Variants in GREB1L observed in about 807,000 individuals in gnomAD.
GREB1L encodes the protein GREB1 like retinoic acid receptor coactivator.
Under a neutral mutation model 200.8 loss-of-function variants are expected in GREB1L, and 17 were observed. The ratio of observed to expected loss-of-function variants is 0.08; its 90% CI spans 0.06 to 0.13. The LOEUF (loss-of-function observed/expected upper bound fraction) is 0.13, where lower values mean the gene tolerates loss of function less well. Among genes scored for constraint, GREB1L ranks in the 10% least tolerant of loss-of-function variants. GREB1L has a pLI of 1.00. For missense variants in GREB1L, 1,657 were observed against 2,367.7 expected (o/e 0.70, Z 6.23); for synonymous variants, 789 against 893.0 (o/e 0.88, Z 2.08).
intron 12 of GREB1L, 21 bp from the exon 13 acceptor site, chr18:21,451,002 C>T (rs2034495037): frequency 6.4e-7 from 1 of 1,550,452 alleles, no homozygotes; most frequent in Non-Finnish European, 8.7e-7. Context: ...TGAGTCTTCT[C>T]TTCTCTCCTC....
At chr18:21,328,675 C>CGTGCATAT (rs957340869) in intron 1 of GREB1L, among the ~76,000 whole-genome samples, 12 of 150,870 alleles carry the variant, frequency 8.0e-5, no homozygotes, top group Admixed American at 2.7e-4. Context: ...TGTGTGTGTA[C>CGTGCATAT]GTGCATATGT....
At chr18:21,314,257 A>G (rs2038834625) in intron 1 of GREB1L, among the ~76,000 whole-genome samples, 1 of 152,132 alleles carries the variant, frequency 6.6e-6, no homozygotes, top group Non-Finnish European at 1.5e-5. Context: ...CTTGCTCCTT[A>G]CACATCCCAT....
chr18:21,281,891 TA>T, intron 1 of GREB1L, among the ~76,000 whole-genome samples: 1 of 152,270 alleles, frequency 6.6e-6, no homozygotes, highest in Non-Finnish European at 1.5e-5. Flanking sequence ...TATAACTGGA[TA>T]AAGTTGTTTT....
chr18:21,397,542 A>G (rs1419542555), intron 5 of GREB1L, among the ~76,000 whole-genome samples: 61 of 86,798 alleles, frequency 7.0e-4, no homozygotes, highest in African/African-American at 4.9e-3. Context: ...AAAAAAAAAA[A>G]ATAATAATAA....
At chr18:21,270,269 C>T (rs868468199) in intron 1 of GREB1L, among the ~76,000 whole-genome samples, 1 of 152,170 alleles carries the variant, frequency 6.6e-6, no homozygotes, top group Non-Finnish European at 1.5e-5. Context: ...TAGTGTTTCA[C>T]AGGCAGAGAT....
intron 27 of GREB1L, among the ~76,000 whole-genome samples, chr18:21,509,431 C>T (rs893611730): frequency 6.6e-6 from 1 of 152,124 alleles, no homozygotes; most frequent in Admixed American, 6.5e-5. Flanking sequence ...TTTTCTTGAA[C>T]CCACGTGTTT....
intron 1 of GREB1L, among the ~76,000 whole-genome samples, chr18:21,356,567 C>T (rs866577865): frequency 3.0e-4 from 46 of 152,124 alleles, no homozygotes; most frequent in African/African-American, 1.1e-3. Flanking sequence ...CTTGTACATA[C>T]ATCTGTTGAT....
chr18:21,474,904 C>T (rs1403378068), intron 16 of GREB1L, among the ~76,000 whole-genome samples: 1 of 152,132 alleles, frequency 6.6e-6, no homozygotes, highest in Non-Finnish European at 1.5e-5. Flanking sequence ...TCTCATGAGA[C>T]TTTCTTTATC....
intron 23 of GREB1L, among the ~76,000 whole-genome samples, chr18:21,502,250 C>CAA (rs1156864566): frequency 5.2e-5 from 5 of 95,350 alleles, no homozygotes; most frequent in African/African-American, 1.6e-4. Context: ...GACTCTGTCT[C>CAA]AAAAAAAAAA....
chr18:21,501,074 AAAAAAAAAAG>A (rs1158483457), intron 23 of GREB1L, among the ~76,000 whole-genome samples: 1 of 151,256 alleles, frequency 6.6e-6, no homozygotes, highest in Non-Finnish European at 1.5e-5. Context: ...CTCAAAAAAA[AAAAAAAAAAG>A]AAAGAAAGAA....
At chr18:21,287,440 C>T (rs548558166) in intron 1 of GREB1L, among the ~76,000 whole-genome samples, 1 of 152,282 alleles carries the variant, frequency 6.6e-6, no homozygotes, top group Admixed American at 6.5e-5. Flanking sequence ...TTTTATCAAG[C>T]ATTCATAGCC....
intron 1 of GREB1L, among the ~76,000 whole-genome samples, chr18:21,355,050 C>T (rs1004458203): frequency 6.6e-6 from 1 of 152,140 alleles, no homozygotes; most frequent in African/African-American, 2.4e-5. Context: ...TCAGTTCCAA[C>T]CCATGAAGGT....
intron 6 of GREB1L, among the ~76,000 whole-genome samples, chr18:21,402,250 G>C (rs2041345826): frequency 6.6e-6 from 1 of 151,908 alleles, no homozygotes; most frequent in African/African-American, 2.4e-5. Context: ...TGAATCCTAA[G>C]AAAAGGATAA....
chr18:21,441,871 C>T (rs1487436305), intron 10 of GREB1L, among the ~76,000 whole-genome samples: 1 of 152,134 alleles, frequency 6.6e-6, no homozygotes, highest in Admixed American at 6.5e-5. Context: ...CAGGAGCAAC[C>T]AGAACTCAGA....
At position 21,477,311 on chromosome 18, in the gene GREB1L, C is replaced by G; in HGVS notation, c.2511C>G (p.Arg837=). The G allele has an allele frequency of 6.4e-7, 1 of 1,551,558 alleles. No homozygotes were observed. The highest frequency in any genetic ancestry group is 1.4e-5 in the African/African-American group (1 of 73,156). Residue 837 remains arginine, a synonymous_variant, in exon 17 of 33, where the codon CGC becomes CGG. Transcript: ENST00000424526. The stretch of plus-strand genomic sequence containing the variant: ...ACACTCTGCAGACCCAACAGTCCCG[C>G]ATTAGCTCTAGCAATGAGGTTCACT... ...FPYTLQTQQS[R]ISSSNEVHWI... is the part of the protein sequence containing the mutation.
At chr18:21,280,222 A>G (rs2038245177) in intron 1 of GREB1L, among the ~76,000 whole-genome samples, 4 of 152,132 alleles carry the variant, frequency 2.6e-5, no homozygotes, top group Admixed American at 2.0e-4. Context: ...CCTCCCTGTG[A>G]GTTCTGGGCA....
chr18:21,332,143 A>G (rs2039114645), intron 1 of GREB1L, among the ~76,000 whole-genome samples: 1 of 152,258 alleles, frequency 6.6e-6, no homozygotes, highest in Admixed American at 6.5e-5. Context: ...TGGCTTTTAA[A>G]TAATGCACAT....
chr18:21,338,215 C>A (rs1244064288), intron 1 of GREB1L, among the ~76,000 whole-genome samples: 1 of 152,164 alleles, frequency 6.6e-6, no homozygotes, highest in Non-Finnish European at 1.5e-5. Context: ...TGAGTCCTTT[C>A]CTAGACCCAC....
intron 1 of GREB1L, among the ~76,000 whole-genome samples, chr18:21,360,892 G>C (rs2039571513): frequency 6.6e-6 from 1 of 152,138 alleles, no homozygotes; most frequent in Non-Finnish European, 1.5e-5. Context: ...TGACTTCTGG[G>C]ATCTATATTT....
Sources: allele counts gnomAD v4.1 joint callset (sites outside exome capture counted in the v4.1 genomes callset), GRCh38; gene constraint gnomAD v4.1.1; transcripts MANE v1.5; gene names NCBI Gene and HGNC (gene_info 2026-07-23, HGNC 2026-07-21).